Variants in SEPTIN9 observed in about 807,000 individuals in gnomAD.
The protein encoded by SEPTIN9 is septin-9.
In SEPTIN9, 13 loss-of-function variants were observed where a neutral mutation model predicts 56.6. The ratio of observed to expected loss-of-function variants is 0.23; its 90% CI spans 0.15 to 0.37. The LOEUF (loss-of-function observed/expected upper bound fraction) is 0.37, where lower values mean the gene tolerates loss of function less well. Among genes scored for constraint, SEPTIN9 ranks in the 10% least tolerant of loss-of-function variants. The probability of loss-of-function intolerance (pLI) is 1.00; values close to 1 mark genes in which losing one functional copy is unlikely to be tolerated. For synonymous variants in SEPTIN9, 332 were observed against 334.1 expected (o/e 0.99, Z 0.07); for missense variants, 650 against 823.1 (o/e 0.79, Z 2.57).
intron 1 of SEPTIN9, among the ~76,000 whole-genome samples, chr17:77,295,771 C>A (rs2143539526): frequency 6.6e-6 from 1 of 151,990 alleles, no homozygotes; most frequent in South Asian, 2.1e-4. Context: ...TTGTTCCCGG[C>A]ACCAGCTGCC....
At chr17:77,490,721 A>G in intron 7 of SEPTIN9, 21 bp from the exon 8 acceptor site, 1 of 1,540,616 alleles carries the variant, frequency 6.5e-7, no homozygotes, top group Non-Finnish European at 8.8e-7. Context: ...GATGAGCCTC[A>G]CGCACATCCC....
At chr17:77,417,937 C>T (rs969137398) in intron 3 of SEPTIN9, among the ~76,000 whole-genome samples, 2 of 152,206 alleles carry the variant, frequency 1.3e-5, no homozygotes, top group African/African-American at 2.4e-5. Flanking sequence ...TATCCGTGGG[C>T]CCTCGGGGTC....
rs8078060 is a variant in SEPTIN9 at position 77,297,548 on chromosome 17, G to C, written c.20-9593G>C. Among the ~76,000 whole-genome samples the C allele has an allele frequency of 5.2e-3, 787 of 152,328 alleles. 10 individuals are homozygous for C. Among genetic ancestry groups the C allele is most frequent in the African/African-American group, 0.018 (768 of 41,572 alleles). On this transcript the variant is annotated intron_variant, in intron 1 of 11. Transcript: ENST00000427177. ...GCCACCACACAGGCTCAGAAGAATCGTGGTTGCATGGTGATGGTCTCCATC... is the reference window on the plus strand; with the variant it reads ...GCCACCACACAGGCTCAGAAGAATCCTGGTTGCATGGTGATGGTCTCCATC...
At chr17:77,416,599 C>T (rs2036517104) in intron 3 of SEPTIN9, among the ~76,000 whole-genome samples, 1 of 152,208 alleles carries the variant, frequency 6.6e-6, no homozygotes, top group Admixed American at 6.5e-5. Context: ...CCTTCCCAGT[C>T]CTGCATCCTC....
chr17:77,448,318 CA>C (rs2037825216), intron 3 of SEPTIN9, among the ~76,000 whole-genome samples: 1 of 151,920 alleles, frequency 6.6e-6, no homozygotes, highest in Non-Finnish European at 1.5e-5. Flanking sequence ...ACTAAAAATA[CA>C]AAAAGTAGCC....
intron 2 of SEPTIN9, among the ~76,000 whole-genome samples, chr17:77,393,861 C>T (rs890730659): frequency 1.3e-5 from 2 of 152,210 alleles, no homozygotes; most frequent in East Asian, 3.9e-4. Flanking sequence ...GTTAGGATTA[C>T]AGGCATGAGC....
At position 77,329,299 on chromosome 17, in the gene SEPTIN9, T is replaced by A. The variant is rs893705483; in HGVS notation, c.76+22102T>A. On this transcript the variant is annotated intron_variant, in intron 2 of 11. Coordinates refer to ENST00000427177, the MANE Select transcript of SEPTIN9 (RefSeq NM_001113491.2). The surrounding 1 kb of genome is among the most constrained non-coding windows in gnomAD (Gnocchi z 4.3). ...GGAAGTTGGAGAGGGAGGATCTCTT[T>A]GATTGCTGGATGGACCCACCTGCCT... Among the ~76,000 whole-genome samples the A allele has an allele frequency of 3.9e-5, 6 of 152,104 alleles. No homozygotes were observed. Among genetic ancestry groups the A allele is most frequent in the Non-Finnish European group, 8.8e-5 (6 of 68,002 alleles).
chr17:77,373,481 G>T, intron 2 of SEPTIN9: 25 of 1,526,180 alleles, frequency 1.6e-5, no homozygotes, highest in Non-Finnish European at 2.2e-5. Flanking sequence ...CGCGCGACCC[G>T]CTGCCCACCA....
At chr17:77,283,988 C>G (rs184532816) in intron 1 of SEPTIN9, among the ~76,000 whole-genome samples, 1 of 152,184 alleles carries the variant, frequency 6.6e-6, no homozygotes, top group Non-Finnish European at 1.5e-5. Flanking sequence ...AGGAATGCCC[C>G]GGAGGTTTTA....
At chr17:77,491,841 TG>T (rs2040043942) in intron 8 of SEPTIN9, among the ~76,000 whole-genome samples, 1 of 145,690 alleles carries the variant, frequency 6.9e-6, no homozygotes, top group Admixed American at 6.8e-5. Context: ...TCAGGAGGGA[TG>T]GTCTCTGCCA....
chr17:77,497,829 G>C (rs1488572508), intron 11 of SEPTIN9, among the ~76,000 whole-genome samples: 3 of 152,072 alleles, frequency 2.0e-5, no homozygotes, highest in Non-Finnish European at 2.9e-5. Context: ...CTGGGTGGGT[G>C]GTCCCTGGAG....
intron 2 of SEPTIN9, among the ~76,000 whole-genome samples, chr17:77,334,239 G>A (rs1437259914): frequency 1.3e-5 from 2 of 151,934 alleles, no homozygotes; most frequent in African/African-American, 2.4e-5. Flanking sequence ...TGGCTAACAC[G>A]GTGAAACCCC....
chr17:77,479,554 C>T (rs77995058), intron 3 of SEPTIN9, among the ~76,000 whole-genome samples: 3,275 of 152,318 alleles, frequency 0.022, 133 homozygotes, highest in African/African-American at 0.074. Flanking sequence ...AGATGGGGCT[C>T]GGCTGCGTTG....
chr17:77,290,259 CTTTT>C (rs368699907), intron 1 of SEPTIN9, among the ~76,000 whole-genome samples: 3 of 135,278 alleles, frequency 2.2e-5, no homozygotes, highest in Admixed American at 7.5e-5. Context: ...AAAATAAATT[CTTTT>C]TTTTTTTTTT....
chr17:77,433,477 C>T lies in SEPTIN9; in HGVS notation c.721+30774C>T, dbSNP rs1039984562. Among the ~76,000 whole-genome samples the T allele has an allele frequency of 2.0e-5, 3 of 152,020 alleles. No homozygotes were observed. The highest frequency in any genetic ancestry group is 6.6e-5 in the Admixed American group (1 of 15,262). On this transcript the variant is annotated intron_variant, in intron 3 of 11. Coordinates refer to ENST00000427177, the MANE Select transcript of SEPTIN9 (RefSeq NM_001113491.2). The surrounding 1 kb of genome is among the most constrained non-coding windows in gnomAD (Gnocchi z 6.4). Reference sequence around the variant, plus strand: ...GGGACCCACATGTGGCACTGGGACACGGAGAGGCTTTTGTGCCTGTGACGG... The same window carrying T: ...GGGACCCACATGTGGCACTGGGACATGGAGAGGCTTTTGTGCCTGTGACGG...
At chr17:77,307,451 G>A (rs1253207373) in intron 2 of SEPTIN9, among the ~76,000 whole-genome samples, 2 of 152,226 alleles carry the variant, frequency 1.3e-5, no homozygotes. Context: ...GAGCAAGCCC[G>A]TGTGTGCGGG....
intron 2 of SEPTIN9, among the ~76,000 whole-genome samples, chr17:77,398,770 G>A (rs2035807839): frequency 6.6e-6 from 1 of 152,150 alleles, no homozygotes; most frequent in Non-Finnish European, 1.5e-5. Context: ...GAACAAACTC[G>A]CCTTTGAGCA....
In SEPTIN9 at chr17:77,323,354, C is replaced by T. The variant is rs1357541783; in HGVS notation, c.76+16157C>T. Among the ~76,000 whole-genome samples, 1 of 152,042 alleles carries T rather than the reference C, an allele frequency of 6.6e-6. No homozygotes were observed. Among genetic ancestry groups the T allele is most frequent in the Non-Finnish European group, 1.5e-5 (1 of 67,992 alleles). On this transcript the variant is annotated intron_variant, in intron 2 of 11. Coordinates refer to ENST00000427177, the MANE Select transcript of SEPTIN9 (RefSeq NM_001113491.2). The surrounding 1 kb of genome is among the most constrained non-coding windows in gnomAD (Gnocchi z 6.8). Reference sequence around the variant, plus strand: ...GGCTTTGTGGCTTTTACAAATTAAGCAGTTTTATCTTGTTCCAAGAGCTTG... The same window carrying T: ...GGCTTTGTGGCTTTTACAAATTAAGTAGTTTTATCTTGTTCCAAGAGCTTG...
intron 2 of SEPTIN9, among the ~76,000 whole-genome samples, chr17:77,384,091 G>A (rs556474416): frequency 9.2e-5 from 14 of 152,312 alleles, no homozygotes; most frequent in East Asian, 3.9e-4. Flanking sequence ...GGAGGAAGGC[G>A]GCGGCTGCCC....
Sources: gnomAD v4.1 joint callset for allele counts (sites outside exome capture counted in the v4.1 genomes callset) on GRCh38, gnomAD v4.1.1 for gene constraint, Gnocchi (gnomAD v3.1) non-coding constraint, MANE v1.5 for transcripts, NCBI Gene and HGNC (gene_info 2026-07-23, HGNC 2026-07-21) for gene names.